The following RNF216 variants were observed in gnomAD, a reference collection of about 807,000 sequenced individuals.
RNF216 encodes E3 ubiquitin-protein ligase RNF216.
RNF216 carries 72 observed loss-of-function variants against 110.8 expected under a neutral mutation model. The ratio of observed to expected loss-of-function variants is 0.65; its 90% CI spans 0.54 to 0.79. RNF216 has a LOEUF of 0.79. Ranked by LOEUF, RNF216 falls within the 30% of genes least tolerant of loss-of-function variation. RNF216 has a pLI of 0.00. For missense variants in RNF216, 1,342 were observed against 1,141.2 expected, an observed-to-expected ratio of 1.18 and a Z score of -2.54; for synonymous variants, 495 against 407.5, an observed-to-expected ratio of 1.21 and a Z score of -2.59.
chr7:5,690,865 C>T (rs852261), intron 13 of RNF216, among the ~76,000 whole-genome samples: 21,970 of 152,122 alleles, frequency 0.14, 3,418 homozygotes, highest in African/African-American at 0.39. Flanking sequence ...ATAACACATA[C>T]GCACATGTGT....
chr7:5,649,069 A>T (rs187197235), intron 14 of RNF216, among the ~76,000 whole-genome samples: 2 of 152,208 alleles, frequency 1.3e-5, no homozygotes, highest in South Asian at 2.1e-4. Flanking sequence ...TGAAAACACT[A>T]TAGCAGTTTA....
At chr7:5,722,901 G>A (rs868772970) in intron 8 of RNF216, among the ~76,000 whole-genome samples, 2 of 151,970 alleles carry the variant, frequency 1.3e-5, no homozygotes, top group Non-Finnish European at 2.9e-5. Context: ...TTGCGAGGCT[G>A]AGGCAGGAGA....
intron 13 of RNF216, among the ~76,000 whole-genome samples, chr7:5,692,061 C>T (rs1000761443): frequency 2.0e-5 from 3 of 152,200 alleles, no homozygotes; most frequent in Admixed American, 2.0e-4. Context: ...TCCGACATTC[C>T]TACCCAGAGT....
At chr7:5,638,689 G>C (rs571525673) in intron 15 of RNF216, among the ~76,000 whole-genome samples, 6 of 147,850 alleles carry the variant, frequency 4.1e-5, no homozygotes, top group Admixed American at 2.0e-4. Context: ...CCAGGCTACA[G>C]TGCAGTGGCA....
chr7:5,733,597 T>G (rs540496631), intron 5 of RNF216, among the ~76,000 whole-genome samples: 1 of 151,816 alleles, frequency 6.6e-6, no homozygotes, highest in South Asian at 2.1e-4. Flanking sequence ...TATACTTTTC[T>G]CTATCATTTA....
At chr7:5,763,680 C>T (rs1270678192) in intron 1 of RNF216, among the ~76,000 whole-genome samples, 3 of 152,116 alleles carry the variant, frequency 2.0e-5, no homozygotes, top group Admixed American at 1.3e-4. Context: ...AAGCAATCCT[C>T]CTGCCTCAGC....
Position 5,711,854 on chromosome 7 carries a change from G to A in RNF216, c.1983-15C>T. On this transcript the variant is annotated splice_polypyrimidine_tract_variant and intron_variant, in intron 12 of 16. Coordinates refer to ENST00000389902, the MANE Select transcript of RNF216 (RefSeq NM_207111.4). ...AGGACGGGCACCTAGAGTCAGAACAGCAGAACTGACATTACTTCAAACATT... is the reference window on the plus strand; with the variant it reads ...AGGACGGGCACCTAGAGTCAGAACAACAGAACTGACATTACTTCAAACATT... 1.2e-6 allele frequency: 2 copies of A among 1,610,792 alleles called. No individual in the cohort carries two copies. Among genetic ancestry groups the A allele is most frequent in the Non-Finnish European group, 1.7e-6 (2 of 1,177,474 alleles).
At chr7:5,684,648 G>A (rs1790866453) in intron 13 of RNF216, among the ~76,000 whole-genome samples, 1 of 152,184 alleles carries the variant, frequency 6.6e-6, no homozygotes, top group African/African-American at 2.4e-5. Context: ...TCAGGCTGTG[G>A]TGGCTGTCCC....
chr7:5,641,510 C>G, intron 14 of RNF216, 134 bp from the exon 15 acceptor site: 1 of 735,168 alleles, frequency 1.4e-6, no homozygotes. Context: ...GTGAAAAGAG[C>G]CTAGGTTTTG....
intron 13 of RNF216, among the ~76,000 whole-genome samples, chr7:5,701,233 G>A (rs74727296): frequency 0.015 from 2,260 of 152,262 alleles, 43 homozygotes; most frequent in African/African-American, 0.051. Context: ...AAAAAATCAG[G>A]TTGAAAAATC....
chr7:5,776,550 G>A (rs185360479), intron 1 of RNF216, among the ~76,000 whole-genome samples: 91 of 149,202 alleles, frequency 6.1e-4, no homozygotes, highest in Non-Finnish European at 4.6e-4. Context: ...AGCTAAGATC[G>A]GGCCACTGCA....
intron 9 of RNF216, 86 bp downstream of exon 9, chr7:5,720,947 T>C (rs1793380812): frequency 7.5e-7 from 1 of 1,335,868 alleles, no homozygotes; most frequent in Non-Finnish European, 1.0e-6. Flanking sequence ...AAGGGAAATC[T>C]TAAAAGACAG....
intron 12 of RNF216, among the ~76,000 whole-genome samples, chr7:5,712,379 A>G (rs1792762764): frequency 6.6e-6 from 1 of 152,006 alleles, no homozygotes; most frequent in South Asian, 2.1e-4. Flanking sequence ...AGGCTGAGGC[A>G]TGAGAATTGC....
At chr7:5,652,646 G>T in intron 13 of RNF216, 136 bp from the exon 14 acceptor site, 2 of 640,558 alleles carry the variant, frequency 3.1e-6, no homozygotes, top group South Asian at 3.5e-5. Flanking sequence ...TTTCAGGGGG[G>T]ATATTTCTAA....
chr7:5,736,276 CCTGA>C (rs990460596), intron 5 of RNF216, among the ~76,000 whole-genome samples: 8 of 149,052 alleles, frequency 5.4e-5, no homozygotes, highest in African/African-American at 2.1e-4. Flanking sequence ...CGCCGCCACG[CCTGA>C]CTGGTTTTCG....
chr7:5,659,286 A>G (rs971815027), intron 13 of RNF216, among the ~76,000 whole-genome samples: 5 of 152,218 alleles, frequency 3.3e-5, no homozygotes, highest in African/African-American at 1.2e-4. Context: ...TTCTATCTTC[A>G]TGACATTTAC....
chr7:5,761,354 GAC>G (rs1795924637), intron 1 of RNF216, among the ~76,000 whole-genome samples: 1 of 151,518 alleles, frequency 6.6e-6, no homozygotes, highest in South Asian at 2.1e-4. Context: ...ACAAAGTACT[GAC>G]AGAGAAATGA....
At chr7:5,629,403 C>G (rs992419604) in intron 15 of RNF216, among the ~76,000 whole-genome samples, 2 of 151,736 alleles carry the variant, frequency 1.3e-5, no homozygotes. Flanking sequence ...GAGGTTGAGG[C>G]TGCAGTGAGC....
chr7:5,726,902 C>CA (rs1440184066), intron 7 of RNF216, among the ~76,000 whole-genome samples: 1 of 148,540 alleles, frequency 6.7e-6, no homozygotes, highest in Admixed American at 6.7e-5. Context: ...ATCCTAAAAA[C>CA]AGGAGGGAGA....
Sources: gnomAD v4.1 joint callset for allele counts (sites outside exome capture counted in the v4.1 genomes callset) on GRCh38, gnomAD v4.1.1 for gene constraint, MANE v1.5 for transcripts, NCBI Gene and HGNC (gene_info 2026-07-23, HGNC 2026-07-21) for gene names.